The following OTC variants were observed in gnomAD, a reference collection of about 807,000 sequenced individuals.
OTC encodes ornithine transcarbamylase, mitochondrial.
OTC carries 3 observed loss-of-function variants against 30.3 expected under a neutral mutation model. That is an observed-to-expected ratio of 0.10 (90% CI 0.05 to 0.26). The LOEUF is 0.26. Among genes scored for constraint, OTC ranks in the 10% least tolerant of loss-of-function variants. The pLI, the probability that OTC is intolerant of heterozygous loss-of-function variation, is 1.00. For synonymous variants in OTC, 111 were observed against 99.7 expected (o/e 1.11, Z -0.67); for missense variants, 194 against 260.3 (o/e 0.75, Z 1.75).
At chrX:38,332,760 A>C in the OTC span, among the ~76,000 whole-genome samples, 1 of 108,934 alleles carries the variant, frequency 9.2e-6, no homozygotes, top group Non-Finnish European at 1.9e-5. Context: ...TTTCTCACTA[A>C]TGCTACATTT....
At chrX:38,370,267 C>T (rs780758301) in intron 3 of OTC, among the ~76,000 whole-genome samples, 10 of 111,996 alleles carry the variant, frequency 8.9e-5, no homozygotes, top group East Asian at 5.6e-4. Flanking sequence ...TTAATCTTTG[C>T]GATGTTAGGC....
At chrX:38,359,934 T>TTTTTTA (rs2068262776) in intron 1 of OTC, among the ~76,000 whole-genome samples, 2 of 106,709 alleles carry the variant, frequency 1.9e-5, no homozygotes, top group African/African-American at 7.0e-5. Context: ...TTTTTGTTTT[T>TTTTTTA]GAGGCAGAGT....
chrX:38,411,029 G>A (rs1236403318), intron 8 of OTC, among the ~76,000 whole-genome samples: 2 of 111,634 alleles, frequency 1.8e-5, no homozygotes, highest in Non-Finnish European at 3.8e-5. Flanking sequence ...AAAACTGCTA[G>A]TACATTTGCA....
chrX:38,420,594 C>T (rs1308706056), intron 9 of OTC, among the ~76,000 whole-genome samples: 2 of 111,335 alleles, frequency 1.8e-5, no homozygotes, highest in African/African-American at 3.3e-5. Context: ...TCAGATTACT[C>T]TACATCTGAT....
chrX:38,340,890 G>C, the OTC span, among the ~76,000 whole-genome samples: 36 of 109,726 alleles, frequency 3.3e-4, no homozygotes, highest in Non-Finnish European at 4.4e-4. Context: ...TCTGCCTCCC[G>C]GGTTCAAGCA....
intron 9 of OTC, among the ~76,000 whole-genome samples, chrX:38,415,164 C>T (rs1421133693): frequency 9.1e-6 from 1 of 109,977 alleles, no homozygotes; most frequent in Non-Finnish European, 1.9e-5. Flanking sequence ...CTGCAACCTC[C>T]GCCTCCTGGG....
At chrX:38,335,540 G>A in the OTC span, among the ~76,000 whole-genome samples, 4 of 112,571 alleles carry the variant, frequency 3.6e-5, no homozygotes, top group Non-Finnish European at 7.5e-5. Context: ...TGCAAATATG[G>A]CACAGCTGTG....
At chrX:38,357,893 G>C (rs1164587904) in intron 1 of OTC, among the ~76,000 whole-genome samples, 2 of 111,890 alleles carry the variant, frequency 1.8e-5, no homozygotes, top group Non-Finnish European at 3.8e-5. Context: ...CTCTGGCTCT[G>C]ACCAGACTGC....
upstream of OTC, chrX:38,352,590 C>A: frequency 1.7e-6 from 1 of 593,447 alleles, no homozygotes; most frequent in East Asian, 3.5e-5. Flanking sequence ...ACCTTTGCTC[C>A]CTCACTGCAA....
chrX:38,345,804 G>A, the OTC span, among the ~76,000 whole-genome samples: 2 of 111,071 alleles, frequency 1.8e-5, no homozygotes, highest in Non-Finnish European at 3.8e-5. Context: ...GCCTCCCAAA[G>A]TGCTGGGATT....
intron 1 of OTC, among the ~76,000 whole-genome samples, chrX:38,361,522 A>G (rs1330707273): frequency 1.8e-5 from 2 of 111,931 alleles, no homozygotes; most frequent in East Asian, 5.6e-4. Context: ...TAACACCAGC[A>G]AAACACTTCA....
Position 38,360,215 on chromosome X carries a change from C to T in OTC, c.78-7076C>T, listed in dbSNP as rs747632577. Among the ~76,000 whole-genome samples the T allele has an allele frequency of 1.3e-4, 15 of 111,369 alleles. No homozygotes were observed. In the South Asian group the frequency reaches 5.3e-3, roughly 39 times the overall value. ...GGATTACAGGTGTGAGCCACTATGCCGTGCCTGAATTCTTTCTTATACAAA... is the reference window on the plus strand; with the variant it reads ...GGATTACAGGTGTGAGCCACTATGCTGTGCCTGAATTCTTTCTTATACAAA... On this transcript the variant is annotated intron_variant, in intron 1 of 9. Coordinates refer to ENST00000039007, the MANE Select transcript of OTC (RefSeq NM_000531.6).
At chrX:38,391,555 CATTTT>C (rs1273816569) in intron 4 of OTC, among the ~76,000 whole-genome samples, 1 of 111,422 alleles carries the variant, frequency 9.0e-6, no homozygotes, top group Non-Finnish European at 1.9e-5. Flanking sequence ...ATTGTTCTCC[CATTTT>C]ATTAGTATCT....
intron 8 of OTC, among the ~76,000 whole-genome samples, chrX:38,410,958 T>C (rs1002811720): frequency 8.9e-6 from 1 of 111,996 alleles, no homozygotes; most frequent in African/African-American, 3.2e-5. Flanking sequence ...TGAATCTGTA[T>C]GTGAACAATA....
intron 6 of OTC, among the ~76,000 whole-genome samples, chrX:38,405,303 T>C (rs180743491): frequency 1.2e-4 from 13 of 111,670 alleles, no homozygotes; most frequent in African/African-American, 3.9e-4. Context: ...ACAATACAAA[T>C]TTACTCTTTC....
intron 3 of OTC, among the ~76,000 whole-genome samples, chrX:38,380,810 C>T (rs918801961): frequency 9.0e-6 from 1 of 111,560 alleles, no homozygotes; most frequent in African/African-American, 3.3e-5. Flanking sequence ...CTCACTACAA[C>T]CCCTGCCTCC....
intron 6 of OTC, among the ~76,000 whole-genome samples, chrX:38,403,965 A>G (rs2068503690): frequency 8.9e-6 from 1 of 112,325 alleles, no homozygotes; most frequent in South Asian, 3.7e-4. Flanking sequence ...CTTTTATTCT[A>G]TGAGTTAGTG....
chrX:38,344,284 G>A, the OTC span, among the ~76,000 whole-genome samples: 14 of 109,515 alleles, frequency 1.3e-4, no homozygotes, highest in Non-Finnish European at 2.3e-4. Context: ...CACACGTGGA[G>A]AGAAAAAAAG....
chrX:38,366,478 G>A (rs777144905), intron 1 of OTC, among the ~76,000 whole-genome samples: 2 of 111,505 alleles, frequency 1.8e-5, no homozygotes, highest in Admixed American at 1.9e-4. Context: ...GGGAAAATAC[G>A]AAATTATTTT....
Sources: gnomAD v4.1 joint callset for allele counts (sites outside exome capture counted in the v4.1 genomes callset) on GRCh38, gnomAD v4.1.1 for gene constraint, MANE v1.5 for transcripts, NCBI Gene and HGNC (gene_info 2026-07-23, HGNC 2026-07-21) for gene names.